The following MCPH1 variants were observed in gnomAD, a reference collection of about 807,000 sequenced individuals.
MCPH1 encodes microcephalin.
A neutral mutation model predicts 84.5 loss-of-function variants in MCPH1; 104 were observed. That is an observed-to-expected ratio of 1.23 (90% CI 1.05 to 1.45). The LOEUF (loss-of-function observed/expected upper bound fraction) is 1.45, where lower values mean the gene tolerates loss of function less well. Ranked by LOEUF, MCPH1 falls within the 40% of genes most tolerant of loss-of-function variation. The pLI is 0.00. For synonymous variants in MCPH1, 514 were observed against 366.8 expected, an observed-to-expected ratio of 1.40 and a Z score of -4.58; for missense variants, 1,498 against 1,005.7, an observed-to-expected ratio of 1.49 and a Z score of -6.62.
chr8:6,637,939 T>A (rs1232298231), intron 13 of MCPH1, among the ~76,000 whole-genome samples: 1 of 152,138 alleles, frequency 6.6e-6, no homozygotes, highest in Non-Finnish European at 1.5e-5. Flanking sequence ...TGTGGCATAT[T>A]AGAGAAAGAA....
chr8:6,586,064 G>A (rs1301390788), intron 12 of MCPH1, among the ~76,000 whole-genome samples: 1 of 152,172 alleles, frequency 6.6e-6, no homozygotes, highest in Admixed American at 6.5e-5. Context: ...GGGTTCAAGT[G>A]ATCCTTGTAC....
chr8:6,500,357 A>G (rs1811915293), intron 12 of MCPH1: 1 of 162,752 alleles, frequency 6.1e-6, no homozygotes, highest in Non-Finnish European at 1.3e-5. Context: ...CAACTTTCAA[A>G]TGCTTCATTG....
At chr8:6,581,864 C>T (rs370484287) in intron 12 of MCPH1, among the ~76,000 whole-genome samples, 1 of 152,208 alleles carries the variant, frequency 6.6e-6, no homozygotes, top group African/African-American at 2.4e-5. Flanking sequence ...TCATAGATGG[C>T]GCCTTCTCTG....
At position 6,598,416 on chromosome 8, in the gene MCPH1, G is replaced by T. The variant is rs568960662; in HGVS notation, c.2215-23038G>T. Among the ~76,000 whole-genome samples the T allele has an allele frequency of 9.2e-5, 14 of 152,268 alleles. No homozygotes were observed. In the South Asian group the frequency reaches 2.9e-3, roughly 32 times the overall value. On this transcript the variant is annotated intron_variant, in intron 12 of 13. Transcript: ENST00000344683. Reference sequence around the variant, plus strand: ...AGAGCCGGCGACCGGCCAGAGTGCAGCTCTGAGCCTCAGACATGAGGGGAG... The same window carrying T: ...AGAGCCGGCGACCGGCCAGAGTGCATCTCTGAGCCTCAGACATGAGGGGAG...
intron 12 of MCPH1, among the ~76,000 whole-genome samples, chr8:6,590,494 TG>T (rs1828372464): frequency 6.6e-6 from 1 of 152,186 alleles, no homozygotes; most frequent in Non-Finnish European, 1.5e-5. Context: ...TCATGTCAGA[TG>T]CCCCTCGGCC....
At chr8:6,432,971 C>A (rs2129554201) in intron 4 of MCPH1, among the ~76,000 whole-genome samples, 1 of 152,300 alleles carries the variant, frequency 6.6e-6, no homozygotes, top group East Asian at 1.9e-4. Context: ...TGATGAGTAT[C>A]CTAGGTGGCA....
At chr8:6,425,969 TG>T (rs1314146383) in intron 3 of MCPH1, among the ~76,000 whole-genome samples, 5 of 152,164 alleles carry the variant, frequency 3.3e-5, no homozygotes, top group Admixed American at 3.3e-4. Flanking sequence ...GGCATAATAG[TG>T]GTAAATCGGT....
intron 12 of MCPH1, among the ~76,000 whole-genome samples, chr8:6,612,767 G>A (rs1025436173): frequency 6.6e-6 from 1 of 152,212 alleles, no homozygotes; most frequent in Non-Finnish European, 1.5e-5. Context: ...CCCAGCTGGT[G>A]GTGCCTCTGA....
intron 12 of MCPH1, among the ~76,000 whole-genome samples, chr8:6,525,542 A>T (rs1586364087): frequency 1.3e-5 from 2 of 152,232 alleles, no homozygotes; most frequent in African/African-American, 4.8e-5. Context: ...AATCTATTCT[A>T]TAAAGAAAGC....
chr8:6,602,456 G>C (rs1277068476), intron 12 of MCPH1, among the ~76,000 whole-genome samples: 1 of 152,168 alleles, frequency 6.6e-6, no homozygotes. Context: ...GGGAAAGCCA[G>C]ACCCCAGCCT....
intron 9 of MCPH1, among the ~76,000 whole-genome samples, chr8:6,458,510 T>C (rs1805941973): frequency 6.6e-6 from 1 of 151,916 alleles, no homozygotes; most frequent in East Asian, 1.9e-4. Flanking sequence ...TCCTGATTTG[T>C]TTGCTTAAAG....
chr8:6,619,131 T>A (rs1244148267), intron 12 of MCPH1: 2 of 151,598 alleles, frequency 1.3e-5, no homozygotes, highest in Non-Finnish European at 2.9e-5. Context: ...CTCAGACCCA[T>A]CCTGGGACTT....
rs2129565837 is a variant in MCPH1, at chr8:6,508,926, C to T, written c.2214+8997C>T. 1.9e-6 allele frequency: 3 copies of T among 1,614,086 alleles called. No homozygotes were observed. In the East Asian group the frequency reaches 6.7e-5, roughly 36 times the overall value. Reference sequence around the variant, plus strand: ...TACAAATAGGAAGACAGAAAGTCATCCCTACCTCCTGTTAGCATTTGTGAA... The same window carrying T: ...TACAAATAGGAAGACAGAAAGTCATTCCTACCTCCTGTTAGCATTTGTGAA... On this transcript the variant is annotated intron_variant, in intron 12 of 13. Transcript: ENST00000344683.
intron 13 of MCPH1, chr8:6,622,369 C>G (rs1244756822): frequency 6.4e-6 from 1 of 155,724 alleles, no homozygotes. Context: ...AGGTGATCCC[C>G]GGAGAAGAGG....
At chr8:6,448,839 C>G (rs1404288865) in intron 8 of MCPH1, among the ~76,000 whole-genome samples, 1 of 152,074 alleles carries the variant, frequency 6.6e-6, no homozygotes, top group African/African-American at 2.4e-5. Flanking sequence ...AAGTTTATTA[C>G]GCTTCATGGG....
At chr8:6,491,492 T>C (rs550620210) in intron 11 of MCPH1, among the ~76,000 whole-genome samples, 32 of 151,782 alleles carry the variant, frequency 2.1e-4, no homozygotes, top group Non-Finnish European at 4.0e-4. Flanking sequence ...TTTTTTATTA[T>C]ACTTTAAGTT....
chr8:6,425,052 C>A (rs1403095571), intron 3 of MCPH1, among the ~76,000 whole-genome samples: 2 of 152,172 alleles, frequency 1.3e-5, no homozygotes, highest in African/African-American at 4.8e-5. Flanking sequence ...GCAGGATTGG[C>A]CCAGGTGAAG....
chr8:6,584,383 A>G (rs184498297), intron 12 of MCPH1, among the ~76,000 whole-genome samples: 1 of 152,292 alleles, frequency 6.6e-6, no homozygotes, highest in African/African-American at 2.4e-5. Context: ...CGCCCCCAAA[A>G]CATATACCAA....
chr8:6,606,576 C>G (rs886449659), intron 12 of MCPH1, among the ~76,000 whole-genome samples: 5 of 152,190 alleles, frequency 3.3e-5, no homozygotes, highest in South Asian at 4.1e-4. Context: ...CTTCCTGCCC[C>G]CTCCCACACA....
Sources: allele counts gnomAD v4.1 joint callset (sites outside exome capture counted in the v4.1 genomes callset), GRCh38; gene constraint gnomAD v4.1.1; transcripts MANE v1.5; gene names NCBI Gene and HGNC (gene_info 2026-07-23, HGNC 2026-07-21).